The following LINGO1 variants were observed in gnomAD, a reference collection of about 807,000 sequenced individuals.
The protein encoded by LINGO1 is leucine-rich repeat and immunoglobulin-like domain-containing nogo receptor-interacting protein 1.
LINGO1 carries 11 observed loss-of-function variants against 37.3 expected under a neutral mutation model. The observed-to-expected ratio is 0.29, with a 90% CI of 0.19 to 0.49. LINGO1 has a LOEUF of 0.49. Among genes scored for constraint, LINGO1 ranks in the 20% least tolerant of loss-of-function variants. LINGO1 has a pLI of 0.99. For missense variants in LINGO1, 585 were observed against 878.2 expected, an observed-to-expected ratio of 0.67 and a Z score of 4.22; for synonymous variants, 387 against 403.0, an observed-to-expected ratio of 0.96 and a Z score of 0.48.
chr15:77,742,710 C>T lies in LINGO1; in HGVS notation c.-256-7657G>A, dbSNP rs113739269. ...TTAGCCTGCTGGAGAGCTGGTGTTA[C>T]AAGGCAGTCAGGGGGACCGAATTCC... On this transcript the variant is annotated intron_variant, in intron 1 of 3. Coordinates refer to the LINGO1 transcript ENST00000561686. 6.3e-4 allele frequency among the ~76,000 whole-genome samples: 96 copies of T among 152,338 alleles called. 2 individuals carry two copies. Among genetic ancestry groups the T allele is most frequent in the African/African-American group, 2.2e-3 (93 of 41,586 alleles).
intron 1 of LINGO1, among the ~76,000 whole-genome samples, chr15:77,745,924 G>A (rs902696397): frequency 6.6e-6 from 1 of 151,930 alleles, no homozygotes; most frequent in African/African-American, 2.4e-5. Flanking sequence ...GAGTCTGAAA[G>A]AACAAGAAAT....
rs1156475777 is a variant in LINGO1, at chr15:77,615,732, G to A, written c.175C>T (p.Arg59Cys). The A allele has an allele frequency of 2.5e-6, 4 of 1,595,422 alleles. No individual in the cohort carries two copies. Among genetic ancestry groups the A allele is most frequent in the South Asian group, 1.1e-5 (1 of 89,042 alleles). ...TCGGGGACTGCCACAAAGCGCTTGC[G>A]GTGGCACAGCACAGCGCGGTCCTGG... The part of the protein sequence containing the change: ...SAQDRAVLCH[R>C]KRFVAVPEGI... Residue 59 changes from arginine (R) to cysteine (C), a missense_variant, in exon 2 of 2, where the codon CGC (arginine) becomes TGC (cysteine). Around this residue, in one of 4 missense-constraint regions of LINGO1, gnomAD observed 484 missense variants for 735.0 expected, o/e 0.66. Coordinates refer to ENST00000355300, the MANE Select transcript of LINGO1 (RefSeq NM_032808.7).
At chr15:77,781,649 AC>A (rs1310033256) in intron 1 of LINGO1, among the ~76,000 whole-genome samples, 1 of 152,170 alleles carries the variant, frequency 6.6e-6, no homozygotes, top group Non-Finnish European at 1.5e-5. Flanking sequence ...CACTCCGTAC[AC>A]CACCAGGCGT....
chr15:77,665,742 C>T (rs1056611328), intron 3 of LINGO1, among the ~76,000 whole-genome samples: 5 of 152,238 alleles, frequency 3.3e-5, no homozygotes, highest in Non-Finnish European at 2.9e-5. Context: ...TGAGCTGACC[C>T]GCCTCCAGGC....
rs537119537 is a variant in LINGO1, at chr15:77,669,297, C to T, written c.-13+7792G>A. On this transcript the variant is annotated intron_variant, in intron 3 of 3. Coordinates refer to the LINGO1 transcript ENST00000559893. ...TCCAGGTCCTCAGACTCTGCCAGCCCCTAGCTGAGGAAGAGCCAAAGTCCC... is the reference window on the plus strand; with the variant it reads ...TCCAGGTCCTCAGACTCTGCCAGCCTCTAGCTGAGGAAGAGCCAAAGTCCC... Among the ~76,000 whole-genome samples, 24 of 152,338 alleles carry T rather than the reference C, an allele frequency of 1.6e-4. 1 individual carries two copies. In the South Asian group the frequency reaches 5.0e-3, roughly 32 times the overall value.
intron 2 of LINGO1, among the ~76,000 whole-genome samples, chr15:77,687,047 T>C (rs576197144): frequency 2.2e-4 from 33 of 152,186 alleles, no homozygotes; most frequent in Non-Finnish European, 3.7e-4. Context: ...TCTATTGGCA[T>C]ATCCACGACA....
intron 1 of LINGO1, among the ~76,000 whole-genome samples, chr15:77,773,620 C>T (rs1366691575): frequency 2.6e-5 from 4 of 152,148 alleles, no homozygotes; most frequent in African/African-American, 9.7e-5. Flanking sequence ...GGGCACCTCT[C>T]GGCACAAGCG....
At chr15:77,792,078 C>T (rs550453474) in intron 2 of LINGO1, among the ~76,000 whole-genome samples, 1 of 152,300 alleles carries the variant, frequency 6.6e-6, no homozygotes, top group Admixed American at 6.5e-5. Context: ...CCCGCAGCTG[C>T]AGGCTTACTG....
intron 2 of LINGO1, among the ~76,000 whole-genome samples, chr15:77,703,229 T>C (rs769297690): frequency 2.0e-4 from 30 of 152,180 alleles, no homozygotes; most frequent in Non-Finnish European, 3.4e-4. Context: ...TCTGGACCAG[T>C]TCCCCCATGA....
intron 2 of LINGO1, among the ~76,000 whole-genome samples, chr15:77,719,483 C>T (rs1049395418): frequency 2.0e-5 from 3 of 149,906 alleles, no homozygotes; most frequent in Non-Finnish European, 4.5e-5. Context: ...CCAGGTCAGG[C>T]TGGCATGGAC....
At chr15:77,770,785 C>T (rs895406168) in intron 1 of LINGO1, among the ~76,000 whole-genome samples, 10 of 152,170 alleles carry the variant, frequency 6.6e-5, no homozygotes, top group African/African-American at 2.2e-4. Flanking sequence ...CTGGCCAAGG[C>T]CAGGGACACA....
At chr15:77,801,900 C>T (rs912774179) in intron 1 of LINGO1, among the ~76,000 whole-genome samples, 5 of 152,278 alleles carry the variant, frequency 3.3e-5, no homozygotes, top group South Asian at 4.2e-4. Flanking sequence ...GCCTCCCAGG[C>T]GAGGGTCAGG....
intron 1 of LINGO1, among the ~76,000 whole-genome samples, chr15:77,620,241 T>C (rs2073876088): frequency 6.6e-6 from 1 of 152,224 alleles, no homozygotes; most frequent in South Asian, 2.1e-4. Flanking sequence ...AGTTTAAAAA[T>C]TGAACCAATA....
intron 3 of LINGO1, among the ~76,000 whole-genome samples, chr15:77,676,430 T>C (rs1382045550): frequency 2.6e-5 from 4 of 152,260 alleles, no homozygotes; most frequent in Non-Finnish European, 5.9e-5. Context: ...TGGACAGCAG[T>C]ATTTTTTTTC....
At chr15:77,799,510 C>T (rs770827629) in intron 1 of LINGO1, among the ~76,000 whole-genome samples, 18 of 152,338 alleles carry the variant, frequency 1.2e-4, no homozygotes, top group Non-Finnish European at 2.2e-4. Context: ...CCAGGAATGA[C>T]GGACTGTGAG....
At chr15:77,622,040 G>A (rs755733428) in intron 1 of LINGO1, among the ~76,000 whole-genome samples, 3 of 152,194 alleles carry the variant, frequency 2.0e-5, no homozygotes, top group African/African-American at 4.8e-5. Context: ...GGGTGTGCGC[G>A]GTCCTCGTCT....
At chr15:77,813,144 A>C (rs2077019586) in intron 1 of LINGO1, among the ~76,000 whole-genome samples, 1 of 152,258 alleles carries the variant, frequency 6.6e-6, no homozygotes, top group Admixed American at 6.5e-5. Context: ...ACAGTAAATA[A>C]TAAATGTTCC....
chr15:77,760,090 C>T (rs751406726), intron 1 of LINGO1, among the ~76,000 whole-genome samples: 2 of 152,248 alleles, frequency 1.3e-5, no homozygotes, highest in South Asian at 2.1e-4. Context: ...TAAAAGACAG[C>T]GCGGCAATGA....
intron 3 of LINGO1, among the ~76,000 whole-genome samples, chr15:77,662,234 GTACTGGTAGCTCCTACCCCCAC>G (rs1374448748): frequency 1.3e-5 from 2 of 152,070 alleles, no homozygotes; most frequent in East Asian, 3.9e-4. Flanking sequence ...GGAAGGCGTG[GTACTGGTAGCTCCTACCCCCAC>G]CCCACCCTGC....
Sources: gnomAD v4.1 joint callset for allele counts (sites outside exome capture counted in the v4.1 genomes callset) on GRCh38, gnomAD v4.1.1 for gene constraint, gnomAD v4.1.1 regional missense constraint, MANE v1.5 for transcripts, NCBI Gene and HGNC (gene_info 2026-07-23, HGNC 2026-07-21) for gene names.